The following CDK6 variants were observed in gnomAD, a reference collection of about 807,000 sequenced individuals.
The protein encoded by CDK6 is cyclin-dependent kinase 6.
CDK6 carries 6 observed loss-of-function variants against 37.1 expected under a neutral mutation model. The observed-to-expected ratio is 0.16, with a 90% CI of 0.09 to 0.32. CDK6 has a LOEUF of 0.32. CDK6 is among the 10% of genes least tolerant of loss of function. CDK6 has a pLI of 1.00. For missense variants in CDK6, 224 were observed against 418.9 expected (o/e 0.53, Z 4.06); for synonymous variants, 160 against 161.3 (o/e 0.99, Z 0.06).
In CDK6 at chr7:92,672,160, TAC is replaced by T. The variant is rs1554401677; in HGVS notation, c.538-627_538-626del. Among the ~76,000 whole-genome samples the T allele has an allele frequency of 1.6e-3, 129 of 78,936 alleles. 2 individuals are homozygous for T. Among genetic ancestry groups the T allele is most frequent in the Middle Eastern group, 7.7e-3 (1 of 130 alleles). The allele number at this position is 78,936 out of a possible 152,430, so 51.8% of individuals were successfully genotyped here. On this transcript the variant is annotated intron_variant, in intron 4 of 7. Transcript: ENST00000424848. The stretch of plus-strand genomic sequence containing the variant: ...ATATATATATATATATATATATATA[TAC>T]ACATACACACACACACACACAGACA...
chr7:92,767,836 T>C (rs1799619997), intron 3 of CDK6, among the ~76,000 whole-genome samples: 2 of 152,240 alleles, frequency 1.3e-5, no homozygotes, highest in African/African-American at 2.4e-5. Context: ...CAAAAGACTA[T>C]ATTAAAAGCT....
intron 2 of CDK6, among the ~76,000 whole-genome samples, chr7:92,802,576 C>CA (rs1800609033): frequency 1.3e-5 from 2 of 152,228 alleles, no homozygotes; most frequent in African/African-American, 4.8e-5. Context: ...ACGGTACAAG[C>CA]AGCTATCACA....
intron 4 of CDK6, among the ~76,000 whole-genome samples, chr7:92,697,547 T>C (rs1311596887): frequency 6.6e-6 from 1 of 152,218 alleles, no homozygotes; most frequent in Non-Finnish European, 1.5e-5. Flanking sequence ...TTGTCAGAGA[T>C]ACAATCCAAA....
intron 3 of CDK6, among the ~76,000 whole-genome samples, chr7:92,743,235 G>C (rs1424082554): frequency 1.3e-5 from 2 of 151,772 alleles, no homozygotes; most frequent in Admixed American, 6.6e-5. Flanking sequence ...AATTAGCTGG[G>C]CGTGGTGGCA....
At chr7:92,746,522 T>C (rs1188535854) in intron 3 of CDK6, among the ~76,000 whole-genome samples, 1 of 152,228 alleles carries the variant, frequency 6.6e-6, no homozygotes, top group East Asian at 1.9e-4. Flanking sequence ...GCTATGTGTA[T>C]AAAGCATAAA....
intron 5 of CDK6, among the ~76,000 whole-genome samples, chr7:92,648,751 C>T (rs918508812): frequency 2.0e-5 from 3 of 152,182 alleles, no homozygotes; most frequent in Non-Finnish European, 4.4e-5. Flanking sequence ...AGAAGAACTA[C>T]TGGGAAAAAT....
chr7:92,817,280 T>G (rs1801054260), intron 2 of CDK6, among the ~76,000 whole-genome samples: 1 of 151,880 alleles, frequency 6.6e-6, no homozygotes, highest in Non-Finnish European at 1.5e-5. Context: ...TTAACAAAAT[T>G]TTAGCAATAT....
intron 5 of CDK6, among the ~76,000 whole-genome samples, chr7:92,643,637 C>T (rs1002243392): frequency 1.3e-5 from 2 of 152,186 alleles, no homozygotes; most frequent in African/African-American, 4.8e-5. Flanking sequence ...TTCTTTTCAT[C>T]TTTGGTTGTA....
intron 4 of CDK6, among the ~76,000 whole-genome samples, chr7:92,672,190 T>TACACACACAC (rs71107866): frequency 0.02 from 1,266 of 62,626 alleles, 76 homozygotes; most frequent in African/African-American, 0.038. Context: ...CACAGACACA[T>TACACACACAC]ACACACACAC....
chr7:92,680,263 T>C (rs1462264171), intron 4 of CDK6, among the ~76,000 whole-genome samples: 5 of 149,816 alleles, frequency 3.3e-5, no homozygotes, highest in African/African-American at 1.2e-4. Context: ...TGAAACCCCG[T>C]CTCTACTAAA....
chr7:92,704,200 T>C (rs1246925676), intron 4 of CDK6, among the ~76,000 whole-genome samples: 1 of 152,242 alleles, frequency 6.6e-6, no homozygotes, highest in African/African-American at 2.4e-5. Context: ...TATATTAATT[T>C]GTTTATCATA....
At chr7:92,711,208 C>G (rs1324220471) in intron 4 of CDK6, among the ~76,000 whole-genome samples, 1 of 152,018 alleles carries the variant, frequency 6.6e-6, no homozygotes, top group African/African-American at 2.4e-5. Flanking sequence ...AGAAACCACC[C>G]AAGTGTTCAT....
chr7:92,622,596 C>T lies in CDK6; in HGVS notation c.698+440G>A, dbSNP rs3731359. Among the ~76,000 whole-genome samples the T allele has an allele frequency of 1.6e-4, 24 of 152,168 alleles. No homozygotes were observed. The South Asian group carries it at 2.7e-3, about 17-fold the overall frequency. ...ATGAGATGTGTAGCATACCATCCTTCGCCCAGGAAAACAAAACAAAACAAC... is the reference window on the plus strand; with the variant it reads ...ATGAGATGTGTAGCATACCATCCTTTGCCCAGGAAAACAAAACAAAACAAC... On this transcript the variant is annotated intron_variant, in intron 6 of 7. Transcript: ENST00000424848.
intron 4 of CDK6, among the ~76,000 whole-genome samples, chr7:92,680,997 A>C (rs1332681274): frequency 6.6e-6 from 1 of 152,146 alleles, no homozygotes; most frequent in Non-Finnish European, 1.5e-5. Context: ...TCATGCATGG[A>C]AGGTGCTCAG....
At chr7:92,646,507 C>T (rs1471299078) in intron 5 of CDK6, among the ~76,000 whole-genome samples, 1 of 151,754 alleles carries the variant, frequency 6.6e-6, no homozygotes, top group African/African-American at 2.4e-5. Flanking sequence ...AAGCGATTCT[C>T]CTGCCTCAGC....
intron 4 of CDK6, among the ~76,000 whole-genome samples, chr7:92,672,210 C>T (rs1004136558): frequency 3.0e-5 from 4 of 134,786 alleles, no homozygotes; most frequent in African/African-American, 1.2e-4. Context: ...CACACACACA[C>T]ACACACACAC....
intron 4 of CDK6, among the ~76,000 whole-genome samples, chr7:92,679,047 A>C (rs1273457957): frequency 1.3e-5 from 2 of 152,206 alleles, no homozygotes; most frequent in Non-Finnish European, 1.5e-5. Flanking sequence ...ACTGCGAGTA[A>C]GACTCAGGTC....
intron 3 of CDK6, among the ~76,000 whole-genome samples, chr7:92,767,597 C>T (rs879387906): frequency 6.6e-6 from 1 of 152,086 alleles, no homozygotes; most frequent in Non-Finnish European, 1.5e-5. Flanking sequence ...ACTATTCTTC[C>T]ATCCTTCAAA....
chr7:92,817,811 G>A (rs1801068120), intron 2 of CDK6, among the ~76,000 whole-genome samples: 1 of 151,768 alleles, frequency 6.6e-6, no homozygotes, highest in Non-Finnish European at 1.5e-5. Flanking sequence ...AAGACACAAG[G>A]TCACTATACA....
Sources: gnomAD v4.1 joint callset for allele counts (sites outside exome capture counted in the v4.1 genomes callset) on GRCh38, gnomAD v4.1.1 for gene constraint, MANE v1.5 for transcripts, NCBI Gene and HGNC (gene_info 2026-07-23, HGNC 2026-07-21) for gene names.